ARHGEF4: variants seen among roughly 807,000 people sequenced by gnomAD.
ARHGEF4 encodes APC-stimulated guanine nucleotide exchange factor 1.
ARHGEF4 carries 119 observed loss-of-function variants against 162.0 expected under a neutral mutation model. The ratio of observed to expected loss-of-function variants is 0.73; its 90% CI spans 0.63 to 0.86. The LOEUF (loss-of-function observed/expected upper bound fraction) is 0.86, where lower values mean the gene tolerates loss of function less well. Ranked by LOEUF, ARHGEF4 falls within the 40% of genes least tolerant of loss-of-function variation. The pLI is 0.00. For missense variants in ARHGEF4, 2,488 were observed against 2,456.0 expected, an observed-to-expected ratio of 1.01 and a Z score of -0.28; for synonymous variants, 1,014 against 979.9, an observed-to-expected ratio of 1.03 and a Z score of -0.65.
rs548418688 is a variant in ARHGEF4, at chr2:130,839,352, A to G, written c.39+2360A>G. Among the ~76,000 whole-genome samples, 229 of 152,294 alleles carry G rather than the reference A, an allele frequency of 1.5e-3. 2 individuals carry two copies. Among genetic ancestry groups the G allele is most frequent in the African/African-American group, 5.3e-3 (221 of 41,552 alleles). On this transcript the variant is annotated intron_variant, in intron 1 of 13. Coordinates refer to ENST00000409359, the MANE Select transcript of ARHGEF4 (RefSeq NM_001367493.1). ...GATGATGGGTGCTGGACTGGGCCAG[A>G]AAAGGCCACTTCATTCTGGGAACCT...
intron 1 of ARHGEF4, among the ~76,000 whole-genome samples, chr2:130,877,067 C>G (rs958042194): frequency 1.3e-5 from 2 of 152,144 alleles, no homozygotes; most frequent in Non-Finnish European, 2.9e-5. Context: ...TCCATGGTGG[C>G]GATGGGGTCC....
chr2:130,965,400 G>C (rs1016770027), intron 4 of ARHGEF4, among the ~76,000 whole-genome samples: 1 of 152,244 alleles, frequency 6.6e-6, no homozygotes, highest in Non-Finnish European at 1.5e-5. Flanking sequence ...CAAAACACAC[G>C]CATGAAATTC....
chr2:130,916,640 C>G lies in ARHGEF4; in HGVS notation c.2694C>G (p.Leu898=). ...CTGAGAGCTGCAACGCAAAGAGACT[C>G]AAAACAACGGAGAAAAAACTCAGGG... is the stretch of plus-strand genomic sequence containing the variant. ...PSSESCNAKR[L]KTTEKKLRAR... is the part of the protein sequence containing the mutation. The change falls in exon 2 of 14, where the codon CTC becomes CTG. Residue 898 remains leucine (L), a synonymous_variant. Transcript: ENST00000409359. 1 of 1,550,568 alleles carries G rather than the reference C, an allele frequency of 6.4e-7. No individual in the cohort carries two copies. Among genetic ancestry groups the G allele is most frequent in the Non-Finnish European group, 8.7e-7 (1 of 1,146,980 alleles).
intron 1 of ARHGEF4, among the ~76,000 whole-genome samples, chr2:130,900,967 G>C (rs1301360587): frequency 6.6e-6 from 1 of 152,066 alleles, no homozygotes; most frequent in Non-Finnish European, 1.5e-5. Flanking sequence ...TTTGATCTCT[G>C]TTGGTGATGT....
At chr2:130,976,577 G>C (rs1374356507) in intron 4 of ARHGEF4, among the ~76,000 whole-genome samples, 2 of 152,296 alleles carry the variant, frequency 1.3e-5, no homozygotes, top group African/African-American at 2.4e-5. Context: ...GATTCACAGG[G>C]AGGAGACAGG....
Position 131,046,253 on chromosome 2 carries a change from C to T in ARHGEF4, c.*64C>T, listed in dbSNP as rs1573723420. ...CCAGTGGCCCCCAGTTTTTCTTCCC[C>T]GAGGCCCACTCGGCCTGGCCTTCCT... On this transcript the variant is annotated 3_prime_UTR_variant, in exon 14 of 14. Transcript: ENST00000409359. The T allele has an allele frequency of 1.6e-5, 24 of 1,518,184 alleles. No homozygotes were observed. The highest frequency in any genetic ancestry group is 1.7e-4 in the Middle Eastern group (1 of 5,878). The allele number at this position is 1,518,184 out of a possible 1,614,324, so 94.0% of individuals were successfully genotyped here. A position where few individuals can be genotyped will look rare whatever the true frequency, so the allele number is the denominator to read the frequency against.
At chr2:131,024,085 A>G (rs918750002) in intron 4 of ARHGEF4, among the ~76,000 whole-genome samples, 22 of 152,220 alleles carry the variant, frequency 1.4e-4, no homozygotes, top group African/African-American at 4.6e-4. Context: ...ATACAGTGCC[A>G]TACGCCTATA....
chr2:130,987,594 TGCTGATTGGTGCGTTTTACA>T (rs1573533671), intron 4 of ARHGEF4, among the ~76,000 whole-genome samples: 4 of 152,300 alleles, frequency 2.6e-5, no homozygotes, highest in Admixed American at 2.0e-4. Flanking sequence ...TTTAGAATCC[TGCTGATTGGTGCGTTTTACA>T]GAGCACTGAT....
At position 130,914,876 on chromosome 2, in the gene ARHGEF4, T is replaced by C; in HGVS notation, c.930T>C (p.His310=). 1.3e-6 allele frequency: 2 copies of C among 1,491,696 alleles called. No individual in the cohort carries two copies. Among genetic ancestry groups the C allele is most frequent in the Non-Finnish European group, 1.8e-6 (2 of 1,118,358 alleles). 92.4% of individuals were successfully genotyped at this position (1,491,696 alleles called of 1,614,324 possible). A position where few individuals can be genotyped will look rare whatever the true frequency, so the allele number is the denominator to read the frequency against. ...GCCTCCTACGCACCAACCGTCACCA[T>C]AGTGCCCCAGAAACTACTGGTGACA... is the stretch of plus-strand genomic sequence containing the variant. ...TSCLLRTNRH[H]SAPETTGDKN... The change falls in exon 2 of 14, where the codon CAT becomes CAC. Residue 310 remains histidine (H), a synonymous_variant. Coordinates refer to ENST00000409359, the MANE Select transcript of ARHGEF4 (RefSeq NM_001367493.1).
chr2:130,843,942 C>T (rs1249482525), intron 1 of ARHGEF4, among the ~76,000 whole-genome samples: 1 of 152,216 alleles, frequency 6.6e-6, no homozygotes, highest in Non-Finnish European at 1.5e-5. Context: ...GCCCTGCTCT[C>T]CAGGTATGGG....
At chr2:130,849,652 T>G (rs1372707639) in intron 1 of ARHGEF4, among the ~76,000 whole-genome samples, 1 of 150,688 alleles carries the variant, frequency 6.6e-6, no homozygotes, top group East Asian at 2.0e-4. Flanking sequence ...CACTGCAACC[T>G]CCTCCTCCCA....
At chr2:130,926,048 CTCTT>C (rs370694048) in intron 2 of ARHGEF4, among the ~76,000 whole-genome samples, 8,516 of 52,924 alleles carry the variant, frequency 0.16, 432 homozygotes, top group Non-Finnish European at 0.22. Flanking sequence ...TTCTTTCTTT[CTCTT>C]TCTTTCTTTC....
At chr2:130,939,565 C>T (rs902045034) in intron 3 of ARHGEF4, among the ~76,000 whole-genome samples, 44 of 152,058 alleles carry the variant, frequency 2.9e-4, no homozygotes, top group African/African-American at 8.7e-4. Flanking sequence ...TTGTTTTACA[C>T]GTTCCATGGC....
chr2:130,998,875 C>G (rs917900887), intron 4 of ARHGEF4, among the ~76,000 whole-genome samples: 1 of 152,162 alleles, frequency 6.6e-6, no homozygotes, highest in Non-Finnish European at 1.5e-5. Context: ...GATTTAGTTT[C>G]ATAAGAAACT....
intron 1 of ARHGEF4, among the ~76,000 whole-genome samples, chr2:130,880,668 G>C (rs1210802004): frequency 2.0e-5 from 3 of 152,150 alleles, no homozygotes; most frequent in African/African-American, 7.2e-5. Context: ...CTGATTAGTT[G>C]GGACTATAGG....
chr2:130,841,231 A>AT (rs1319647413), intron 1 of ARHGEF4, among the ~76,000 whole-genome samples: 1 of 151,858 alleles, frequency 6.6e-6, no homozygotes, highest in Admixed American at 6.6e-5. Flanking sequence ...TGCCTGACTA[A>AT]TTTTTTGTAT....
chr2:130,900,821 T>C (rs531229760), intron 1 of ARHGEF4, among the ~76,000 whole-genome samples: 4 of 152,346 alleles, frequency 2.6e-5, no homozygotes, highest in African/African-American at 9.6e-5. Context: ...TCTTCTATTG[T>C]AGCAAGCATT....
intron 4 of ARHGEF4, among the ~76,000 whole-genome samples, chr2:130,988,627 T>C (rs1686678579): frequency 6.6e-6 from 1 of 152,196 alleles, no homozygotes. Context: ...GTGTACGCTT[T>C]ATTTCATGAC....
intron 3 of ARHGEF4, among the ~76,000 whole-genome samples, chr2:130,937,979 T>TTTTTTGTTG (rs1449432186): frequency 6.6e-6 from 1 of 152,288 alleles, no homozygotes; most frequent in African/African-American, 2.4e-5. Context: ...TGTATCATAA[T>TTTTTTGTTG]TTTTTGTTGA....
Sources: allele counts gnomAD v4.1 joint callset (sites outside exome capture counted in the v4.1 genomes callset), GRCh38; gene constraint gnomAD v4.1.1; transcripts MANE v1.5; gene names NCBI Gene and HGNC (gene_info 2026-07-23, HGNC 2026-07-21).